The following CPQ variants were observed in gnomAD, a reference collection of about 807,000 sequenced individuals.
CPQ encodes Ser-Met dipeptidase.
In CPQ, 37 loss-of-function variants were observed where a neutral mutation model predicts 45.7. The ratio of observed to expected loss-of-function variants is 0.81; its 90% confidence interval spans 0.62 to 1.07. The LOEUF (loss-of-function observed/expected upper bound fraction) is 1.07. CPQ is among the 50% of genes least tolerant of loss of function. The pLI is 0.00. For synonymous variants in CPQ, 186 were observed against 205.8 expected (o/e 0.90, Z 0.82); for missense variants, 537 against 572.9 (o/e 0.94, Z 0.64).
At chr8:97,108,200 C>T (rs1000303740) in intron 7 of CPQ, among the ~76,000 whole-genome samples, 1 of 152,172 alleles carries the variant, frequency 6.6e-6, no homozygotes, top group African/African-American at 2.4e-5. Flanking sequence ...TACTAATATT[C>T]CATGTTGTAT....
At chr8:96,724,559 G>T (rs932355676) in intron 1 of CPQ, among the ~76,000 whole-genome samples, 3 of 151,410 alleles carry the variant, frequency 2.0e-5, no homozygotes, top group African/African-American at 7.3e-5. Context: ...GGAGGTGAAA[G>T]ATCTCTATAA....
chr8:96,908,776 C>CACACACCA (rs1563526430), intron 4 of CPQ, among the ~76,000 whole-genome samples: 1 of 151,780 alleles, frequency 6.6e-6, no homozygotes, highest in African/African-American at 2.4e-5. Flanking sequence ...CACACACACA[C>CACACACCA]ACCATATATT....
chr8:96,811,190 A>G (rs1355073760), intron 2 of CPQ, among the ~76,000 whole-genome samples: 1 of 152,172 alleles, frequency 6.6e-6, no homozygotes, highest in Non-Finnish European at 1.5e-5. Flanking sequence ...CACAAGTCTT[A>G]AAATCTGAAC....
At chr8:96,830,482 TA>T (rs1400930369) in intron 2 of CPQ, among the ~76,000 whole-genome samples, 1 of 152,140 alleles carries the variant, frequency 6.6e-6, no homozygotes, top group Admixed American at 6.5e-5. Flanking sequence ...TTAAGTGGCT[TA>T]AAAAAATTGA....
At chr8:96,723,563 C>T (rs1809795159) in intron 1 of CPQ, among the ~76,000 whole-genome samples, 1 of 152,178 alleles carries the variant, frequency 6.6e-6, no homozygotes, top group Non-Finnish European at 1.5e-5. Flanking sequence ...CTCAATCTCT[C>T]TTTTATTACC....
intron 7 of CPQ, among the ~76,000 whole-genome samples, chr8:97,102,857 CA>C (rs1811337180): frequency 6.6e-6 from 1 of 152,066 alleles, no homozygotes. Context: ...ACAACAACAA[CA>C]AAAAAGTGTC....
intron 6 of CPQ, among the ~76,000 whole-genome samples, chr8:97,064,608 G>A (rs183394683): frequency 6.6e-6 from 1 of 152,228 alleles, no homozygotes; most frequent in African/African-American, 2.4e-5. Context: ...AAATATTGGT[G>A]TCCCAGGGCC....
chr8:96,744,404 A>G (rs1228379694), intron 1 of CPQ, among the ~76,000 whole-genome samples: 1 of 152,074 alleles, frequency 6.6e-6, no homozygotes, highest in Non-Finnish European at 1.5e-5. Flanking sequence ...TGAACCCGGT[A>G]CCTGAGATGG....
intron 4 of CPQ, among the ~76,000 whole-genome samples, chr8:96,930,070 A>G (rs1421201716): frequency 2.0e-5 from 3 of 152,216 alleles, no homozygotes; most frequent in Non-Finnish European, 4.4e-5. Flanking sequence ...CCTGAGACAT[A>G]TTCAGAAACT....
rs115391135 is a variant in CPQ, at chr8:96,671,475, C to T, written c.-35+26073C>T. On this transcript the variant is annotated intron_variant, in intron 1 of 7. Coordinates refer to ENST00000220763, the MANE Select transcript of CPQ (RefSeq NM_016134.4). ...TCTTAACTTGCCAAGAATATCCTCT[C>T]AGGATGTGTTGCTTCACTACAGTAC... 4.2e-3 allele frequency among the ~76,000 whole-genome samples: 636 copies of T among 152,296 alleles called. 3 individuals are homozygous for T. Among genetic ancestry groups the T allele is most frequent in the African/African-American group, 0.014 (591 of 41,558 alleles).
At chr8:96,860,967 T>G (rs1170333840) in intron 3 of CPQ, among the ~76,000 whole-genome samples, 3 of 152,134 alleles carry the variant, frequency 2.0e-5, no homozygotes. Context: ...GTATTTTGAT[T>G]TTGTACTGAC....
intron 3 of CPQ, 93 bp from the exon 4 acceptor site, chr8:96,879,705 A>C (rs1040213339): frequency 9.8e-6 from 8 of 813,004 alleles, no homozygotes; most frequent in African/African-American, 1.7e-5. Flanking sequence ...AACAAAGATA[A>C]GTGGAAGTTA....
At chr8:97,114,276 G>A (rs1216640320) in intron 7 of CPQ, among the ~76,000 whole-genome samples, 3 of 152,218 alleles carry the variant, frequency 2.0e-5, no homozygotes, top group African/African-American at 7.2e-5. Flanking sequence ...CTTTCTGGAA[G>A]GTAACAGGAC....
Position 96,756,488 on chromosome 8 carries a change from A to G in CPQ, c.-34-28376A>G, listed in dbSNP as rs539306131. ...AATACTGGTGGAATTTTAATATAAT[A>G]GTTATATAAATATTCATTTCATGTT... is the stretch of plus-strand genomic sequence containing the variant. On this transcript the variant is annotated intron_variant, in intron 1 of 7. Coordinates refer to ENST00000220763, the MANE Select transcript of CPQ (RefSeq NM_016134.4). Among the ~76,000 whole-genome samples the G allele has an allele frequency of 6.9e-4, 105 of 152,286 alleles. 1 individual carries two copies. In the Middle Eastern group the frequency reaches 0.014, roughly 20 times the overall value.
intron 5 of CPQ, among the ~76,000 whole-genome samples, chr8:97,028,097 G>T (rs888120854): frequency 1.3e-5 from 2 of 152,190 alleles, no homozygotes; most frequent in Non-Finnish European, 2.9e-5. Flanking sequence ...TGTAGAAATT[G>T]CTTGTCCATG....
intron 4 of CPQ, among the ~76,000 whole-genome samples, chr8:96,919,339 C>T (rs1812777854): frequency 6.6e-6 from 1 of 152,050 alleles, no homozygotes; most frequent in African/African-American, 2.4e-5. Flanking sequence ...TGGCACATGC[C>T]ATACTCTTGT....
intron 1 of CPQ, among the ~76,000 whole-genome samples, chr8:96,703,073 A>G (rs1483410440): frequency 4.6e-5 from 7 of 152,184 alleles, no homozygotes; most frequent in Non-Finnish European, 1.0e-4. Context: ...CATACATAAA[A>G]CAAGGTTATG....
intron 1 of CPQ, among the ~76,000 whole-genome samples, chr8:96,691,796 G>T (rs1005603967): frequency 6.6e-6 from 1 of 152,130 alleles, no homozygotes; most frequent in African/African-American, 2.4e-5. Context: ...TTTCTTTGAT[G>T]CTGGTATGAG....
intron 5 of CPQ, among the ~76,000 whole-genome samples, chr8:96,989,877 T>G (rs540603908): frequency 6.6e-6 from 1 of 152,220 alleles, no homozygotes; most frequent in East Asian, 1.9e-4. Flanking sequence ...GTGAATAAAC[T>G]GAAACTCAGA....
Sources: allele counts gnomAD v4.1 joint callset (sites outside exome capture counted in the v4.1 genomes callset), GRCh38; gene constraint gnomAD v4.1.1; transcripts MANE v1.5; gene names NCBI Gene and HGNC (gene_info 2026-07-23, HGNC 2026-07-21).